Variants in CPEB2 observed in about 807,000 individuals in gnomAD.
CPEB2 encodes cytoplasmic polyadenylation element binding protein 2, also known as cytoplasmic polyadenylation element-binding protein 2.
CPEB2 carries 56 observed loss-of-function variants against 93.6 expected under a neutral mutation model. The ratio of observed to expected loss-of-function variants is 0.60; its 90% CI spans 0.48 to 0.75. CPEB2 has a LOEUF of 0.75. Among genes scored for constraint, CPEB2 ranks in the 30% least tolerant of loss-of-function variants. CPEB2 has a pLI of 0.00. For missense variants in CPEB2, 1,579 were observed against 1,395.1 expected (o/e 1.13, Z -2.10); for synonymous variants, 764 against 586.3 (o/e 1.30, Z -4.38).
intron 3 of CPEB2, among the ~76,000 whole-genome samples, chr4:15,012,197 A>G (rs918331164): frequency 6.6e-6 from 1 of 152,258 alleles, no homozygotes; most frequent in African/African-American, 2.4e-5. Context: ...ATGGAAAAGA[A>G]TGGACTCTTG....
In CPEB2 at chr4:15,057,595, T is replaced by C. The variant is rs151215770; in HGVS notation, c.2462-826T>C. 1.7e-3 allele frequency among the ~76,000 whole-genome samples: 258 copies of C among 152,320 alleles called. 2 individuals are homozygous for C. Among genetic ancestry groups the C allele is most frequent in the Middle Eastern group, 0.014 (4 of 294 alleles). ...TGGGAATAATCACATAATAGTAAAC[T>C]TGCAGTGTAAATTTTGATGCCTTCT... On this transcript the variant is annotated intron_variant, in intron 8 of 11. Coordinates refer to ENST00000538197, the MANE Select transcript of CPEB2 (RefSeq NM_001177382.2).
chr4:15,018,976 GCA>G (rs1194992377), intron 4 of CPEB2, among the ~76,000 whole-genome samples: 13 of 116,826 alleles, frequency 1.1e-4, no homozygotes, highest in East Asian at 4.5e-4. Context: ...ATATACACAC[GCA>G]CACACACACG....
intron 7 of CPEB2, among the ~76,000 whole-genome samples, 171 bp downstream of exon 7, chr4:15,052,755 G>A (rs1425770160): frequency 6.6e-6 from 1 of 152,006 alleles, no homozygotes; most frequent in Admixed American, 6.6e-5. Flanking sequence ...TATGAAAGTA[G>A]TTGAACAAAA....
intron 11 of CPEB2, among the ~76,000 whole-genome samples, chr4:15,063,342 G>A (rs1446735207): frequency 6.7e-6 from 1 of 148,408 alleles, no homozygotes; most frequent in African/African-American, 2.5e-5. Flanking sequence ...TTTTTTGTTT[G>A]TTTGCATTGC....
At chr4:15,036,817 A>T (rs928172630) in intron 5 of CPEB2, among the ~76,000 whole-genome samples, 2 of 152,188 alleles carry the variant, frequency 1.3e-5, no homozygotes, top group African/African-American at 2.4e-5. Context: ...GTACTTTTTG[A>T]GAGGAAAAAA....
rs1159309328 is a variant in CPEB2, at chr4:15,052,498, GT to G, written c.2287del (p.Tyr763IlefsTer10). The G allele has an allele frequency of 6.3e-7, 1 of 1,597,942 alleles. No individual in the cohort carries two copies. The highest frequency in any genetic ancestry group is 8.5e-7 in the Non-Finnish European group (1 of 1,169,916). ...DQVGVLNSPTCYSAHQNGERI... is the reference protein window; with the variant it reads ...DQVGVLNSPTXYSAHQNGERI... The stretch of plus-strand genomic sequence containing the variant: ...GTTGGAGTTTTAAATTCACCCACCT[GT>G]TATTCAGCTCACCAAAATGGAGAGC... On this transcript the variant is annotated frameshift_variant, in exon 7 of 12. Coordinates refer to ENST00000538197, the MANE Select transcript of CPEB2 (RefSeq NM_001177382.2). LOFTEE classifies it high-confidence loss of function.
rs146312752 is a variant in CPEB2, at chr4:15,029,488, C to T, written c.2126-3673C>T. ...CATAGTATCTTAATGTGAAAGGAGC[C>T]GTGTCAAGAGCTAGTGTATACTCTT... On this transcript the variant is annotated intron_variant, in intron 4 of 11. Coordinates refer to ENST00000538197, the MANE Select transcript of CPEB2 (RefSeq NM_001177382.2). Among the ~76,000 whole-genome samples, 34 of 151,892 alleles carry T rather than the reference C, an allele frequency of 2.2e-4. No homozygotes were observed. In the East Asian group the frequency reaches 6.0e-3, roughly 27 times the overall value.
intron 11 of CPEB2, 102 bp downstream of exon 11, chr4:15,062,362 T>A: frequency 1.3e-6 from 1 of 762,552 alleles, no homozygotes; most frequent in Non-Finnish European, 2.0e-6. Flanking sequence ...ACTTTAATTT[T>A]TATACTTCTG....
intron 6 of CPEB2, among the ~76,000 whole-genome samples, chr4:15,045,837 G>A (rs549944667): frequency 6.6e-6 from 1 of 152,136 alleles, no homozygotes; most frequent in South Asian, 2.1e-4. Context: ...AATTTCATAA[G>A]TAATTACTTT....
chr4:15,025,894 A>G (rs1336709260), intron 4 of CPEB2, among the ~76,000 whole-genome samples: 5 of 152,114 alleles, frequency 3.3e-5, no homozygotes, highest in Non-Finnish European at 5.9e-5. Context: ...CAGAAATTTG[A>G]TGACTTAGTT....
At chr4:15,058,767 G>A (rs918011720) in intron 9 of CPEB2, among the ~76,000 whole-genome samples, 7 of 152,168 alleles carry the variant, frequency 4.6e-5, no homozygotes, top group African/African-American at 1.7e-4. Flanking sequence ...TGAGTGGCAG[G>A]CAAGCCAGCA....
intron 4 of CPEB2, among the ~76,000 whole-genome samples, chr4:15,031,543 T>C (rs1344583603): frequency 6.6e-6 from 1 of 152,234 alleles, no homozygotes; most frequent in Non-Finnish European, 1.5e-5. Flanking sequence ...TTGTATGTTT[T>C]AGAGTATGAC....
chr4:15,050,481 TCTTA>T (rs1201262577), intron 6 of CPEB2, among the ~76,000 whole-genome samples: 2 of 152,174 alleles, frequency 1.3e-5, no homozygotes, highest in Non-Finnish European at 2.9e-5. Flanking sequence ...TTGTCCATAT[TCTTA>T]CTGTTTTTCC....
rs59545304 is a variant in CPEB2, at chr4:15,038,778, G to C, written c.2177-1686G>C. Among the ~76,000 whole-genome samples, 3 of 151,928 alleles carry C rather than the reference G, an allele frequency of 2.0e-5. No individual in the cohort carries two copies. The East Asian group carries it at 5.8e-4, about 29-fold the overall frequency. On this transcript the variant is annotated intron_variant, in intron 5 of 11. Transcript: ENST00000538197. ...TAATTTTTGTATTTTTAGTAGAGAC[G>C]AGGTTTCACCATATTGGTCAGGCTG...
At chr4:15,024,340 G>A (rs1725188129) in intron 4 of CPEB2, among the ~76,000 whole-genome samples, 1 of 151,910 alleles carries the variant, frequency 6.6e-6, no homozygotes, top group Non-Finnish European at 1.5e-5. Flanking sequence ...TACATTTTGA[G>A]ACACTATATG....
rs993949331 is a variant in CPEB2 at position 15,004,064 on chromosome 4, G to C, written c.1391G>C (p.Ser464Thr). The change falls in exon 1 of 12, where the codon AGC (serine) becomes ACC (threonine). Residue 464 changes from serine (S) to threonine (T), a missense_variant. Transcript: ENST00000538197. Reference protein sequence around the residue: ...PSSMNPAFFPSFSPVSPHGCT... With the variant: ...PSSMNPAFFPTFSPVSPHGCT... The stretch of plus-strand genomic sequence containing the variant: ...TCCATGAACCCGGCCTTCTTCCCTA[G>C]CTTCTCGCCCGTGTCGCCGCACGGC... 5.2e-5 allele frequency: 82 copies of C among 1,566,560 alleles called. No individual in the cohort carries two copies. The highest frequency in any genetic ancestry group is 6.9e-5 in the Non-Finnish European group (80 of 1,159,274).
chr4:15,064,578 T>TA (rs1168439776), intron 11 of CPEB2, among the ~76,000 whole-genome samples: 65 of 150,562 alleles, frequency 4.3e-4, no homozygotes, highest in African/African-American at 1.3e-3. Flanking sequence ...AAATCTTATT[T>TA]TAAAAAAAAA....
chr4:15,004,466 G>T, intron 1 of CPEB2, 131 bp downstream of exon 1: 1 of 628,158 alleles, frequency 1.6e-6, no homozygotes, highest in Non-Finnish European at 2.5e-6. Flanking sequence ...ACTCGCCCAA[G>T]TGAGAGTGGA....
At chr4:15,055,764 C>T (rs1244681132) in intron 8 of CPEB2, among the ~76,000 whole-genome samples, 1 of 152,172 alleles carries the variant, frequency 6.6e-6, no homozygotes, top group Non-Finnish European at 1.5e-5. Flanking sequence ...TCTACTATTG[C>T]TGCTTGTTTC....
Sources: gnomAD v4.1 joint callset for allele counts (sites outside exome capture counted in the v4.1 genomes callset) on GRCh38, gnomAD v4.1.1 for gene constraint, MANE v1.5 for transcripts, NCBI Gene and HGNC (gene_info 2026-07-23, HGNC 2026-07-21) for gene names.